CES1: variants seen among roughly 807,000 people sequenced by gnomAD.
CES1 encodes the protein liver carboxylesterase 1.
CES1 carries 50 observed loss-of-function variants against 53.0 expected under a neutral mutation model. That is an observed-to-expected ratio of 0.94 (90% CI 0.75 to 1.19). The LOEUF is 1.19. Among genes scored for constraint, CES1 ranks in the 50% most tolerant of loss-of-function variants. The probability of loss-of-function intolerance (pLI) is 0.00; values close to 1 mark genes in which losing one functional copy is unlikely to be tolerated. For synonymous variants in CES1, 202 were observed against 210.1 expected, an observed-to-expected ratio of 0.96 and a Z score of 0.33; for missense variants, 534 against 538.0, an observed-to-expected ratio of 0.99 and a Z score of 0.07.
intron 9 of CES1, 38 bp downstream of exon 9, chr16:55,812,865 G>A (rs1277747123): frequency 7.4e-6 from 12 of 1,613,040 alleles, no homozygotes; most frequent in African/African-American, 2.7e-5. Context: ...GGCTGATGGG[G>A]GTGGTTGAGT....
rs143802684 is a variant in CES1, at chr16:55,826,421, T to C, written c.261-126A>G. 773 of 1,207,140 alleles carry C rather than the reference T, an allele frequency of 6.4e-4. No homozygotes were observed. The East Asian group carries it at 0.015, about 24-fold the overall frequency. 74.8% of individuals were successfully genotyped at this position (1,207,140 alleles called of 1,614,324 possible). A position where few individuals can be genotyped will look rare whatever the true frequency, so the allele number is the denominator to read the frequency against. On this transcript the variant is annotated intron_variant, in intron 2 of 13. Transcript: ENST00000360526. ...ACTTGATAGTTACAGACTCACGACATTGTAGTGGGTAGGAGGCTATCAGGG... is the reference window on the plus strand; with the variant it reads ...ACTTGATAGTTACAGACTCACGACACTGTAGTGGGTAGGAGGCTATCAGGG...
intron 7 of CES1, among the ~76,000 whole-genome samples, chr16:55,819,309 G>A (rs1468440973): frequency 2.0e-5 from 3 of 152,152 alleles, no homozygotes; most frequent in Admixed American, 1.3e-4. Context: ...TTAAATTTTG[G>A]TCAGGACTGG....
At chr16:55,815,235 C>T (rs2031886687) in intron 8 of CES1, among the ~76,000 whole-genome samples, 1 of 152,192 alleles carries the variant, frequency 6.6e-6, no homozygotes, top group African/African-American at 2.4e-5. Flanking sequence ...CACAGTCTGG[C>T]ACACAGTGTG....
intron 8 of CES1, among the ~76,000 whole-genome samples, chr16:55,813,935 C>T (rs2031819595): frequency 6.6e-6 from 1 of 152,230 alleles, no homozygotes; most frequent in East Asian, 1.9e-4. Context: ...GCCCATCATG[C>T]AAATCCAGCT....
intron 9 of CES1, among the ~76,000 whole-genome samples, chr16:55,812,175 T>G (rs1377968842): frequency 6.6e-6 from 1 of 152,264 alleles, no homozygotes; most frequent in African/African-American, 2.4e-5. Flanking sequence ...TCAGTTTTGT[T>G]TATCTTCAAC....
chr16:55,820,563 CA>C lies in CES1; in HGVS notation c.694-85del, dbSNP rs1427810614. ...TCGCTATTCCAGGCTAGATCTACTC[CA>C]CTATAAAACCAACACGGGACTGAGG... is the stretch of plus-strand genomic sequence containing the variant. On this transcript the variant is annotated intron_variant, in intron 5 of 13. Coordinates refer to ENST00000360526, the MANE Select transcript of CES1 (RefSeq NM_001025195.2). 4 of 1,605,938 alleles carry C rather than the reference CA, an allele frequency of 2.5e-6. No individual in the cohort carries two copies. The African/African-American group carries it at 5.4e-5, about 21-fold the overall frequency.
Position 55,826,313 on chromosome 16 carries a change from A to G in CES1, c.261-18T>C, listed in dbSNP as rs756135809. On this transcript the variant is annotated intron_variant, in intron 2 of 13. Coordinates refer to ENST00000360526, the MANE Select transcript of CES1 (RefSeq NM_001025195.2). ...GGGTGCACCTGGGGAGGGGGAAAGA[A>G]GAACCCCTGAAGTTCAGCCAGATCT... 1 of 1,613,976 alleles carries G rather than the reference A, an allele frequency of 6.2e-7. No homozygotes were observed. The highest frequency in any genetic ancestry group is 1.1e-5 in the South Asian group (1 of 91,078).
chr16:55,817,827 T>C (rs1400578314), intron 7 of CES1, among the ~76,000 whole-genome samples: 1 of 152,064 alleles, frequency 6.6e-6, no homozygotes, highest in Non-Finnish European at 1.5e-5. Flanking sequence ...ATCATGGAGG[T>C]GCTTCCACAA....
intron 2 of CES1, among the ~76,000 whole-genome samples, chr16:55,827,292 T>TAATAATAAC (rs1192178275): frequency 1.3e-5 from 2 of 149,158 alleles, no homozygotes; most frequent in Non-Finnish European, 3.0e-5. Flanking sequence ...ATAATAATAA[T>TAATAATAAC]AATAATAATA....
In CES1 at chr16:55,812,991, G is replaced by C; in HGVS notation, c.998C>G (p.Pro333Arg). ...ATTCCTTTCAGCTTGAAGCTCTTCAGGTGTTTTCAGCAGCAGCATCCCATC... is the reference window on the plus strand; with the variant it reads ...ATTCCTTTCAGCTTGAAGCTCTTCACGTGTTTTCAGCAGCAGCATCCCATC... ...VIDGMLLLKT[P>R]EELQAERNFH... Residue 333 changes from proline to arginine, a missense_variant, in exon 9 of 14, where the codon CCT (proline) becomes CGT (arginine). Pro to Arg is a moderately radical substitution (Grantham distance 103). Transcript: ENST00000360526. 6.2e-7 allele frequency: 1 copy of C among 1,614,042 alleles called. No homozygotes were observed. The highest frequency in any genetic ancestry group is 8.5e-7 in the Non-Finnish European group (1 of 1,179,942).
At chr16:55,815,551 G>C (rs1269871753) in intron 8 of CES1, among the ~76,000 whole-genome samples, 4 of 152,202 alleles carry the variant, frequency 2.6e-5, no homozygotes, top group African/African-American at 4.8e-5. Context: ...GCACAACCTT[G>C]TTGTGTCAGA....
chr16:55,824,075 C>G (rs538559457), intron 3 of CES1, among the ~76,000 whole-genome samples: 163 of 152,380 alleles, frequency 1.1e-3, no homozygotes, highest in African/African-American at 3.8e-3. Flanking sequence ...CCTTGTATCT[C>G]AGCTTCATCT....
chr16:55,820,236 C>T, intron 6 of CES1, 136 bp downstream of exon 6: 3 of 647,158 alleles, frequency 4.6e-6, no homozygotes, highest in Non-Finnish European at 2.7e-6. Context: ...GCCCTTCCTG[C>T]TCAGCCATTG....
chr16:55,831,177 A>C (rs1178288720), intron 1 of CES1, among the ~76,000 whole-genome samples: 2 of 152,216 alleles, frequency 1.3e-5, no homozygotes, highest in African/African-American at 4.8e-5. Context: ...AAGGTCAAAC[A>C]CAGGGACCAC....
chr16:55,812,592 C>G (rs1451800054), intron 9 of CES1, among the ~76,000 whole-genome samples: 2 of 152,190 alleles, frequency 1.3e-5, no homozygotes, highest in Non-Finnish European at 2.9e-5. Context: ...ACTCCTTCCC[C>G]CTTCTAGGCC....
chr16:55,826,670 T>C (rs1225209102), intron 2 of CES1, among the ~76,000 whole-genome samples: 6 of 152,184 alleles, frequency 3.9e-5, no homozygotes, highest in African/African-American at 1.2e-4. Context: ...GTTTTGTCTC[T>C]CCCATGCATT....
intron 5 of CES1, among the ~76,000 whole-genome samples, chr16:55,821,099 A>G (rs114552202): frequency 1.2e-4 from 17 of 142,476 alleles, no homozygotes; most frequent in African/African-American, 4.4e-4. Flanking sequence ...AGAGAGCTCA[A>G]CCAAGCTGGA....
intron 8 of CES1, among the ~76,000 whole-genome samples, chr16:55,815,231 C>A (rs1218863400): frequency 6.6e-6 from 1 of 152,196 alleles, no homozygotes; most frequent in Non-Finnish European, 1.5e-5. Context: ...TCTGCACAGT[C>A]TGGCACACAG....
chr16:55,817,629 T>C (rs1210222108), intron 7 of CES1, among the ~76,000 whole-genome samples: 1 of 152,118 alleles, frequency 6.6e-6, no homozygotes. Context: ...CCATTAAGGA[T>C]TGAAGTCCCA....
Sources: allele counts gnomAD v4.1 joint callset (sites outside exome capture counted in the v4.1 genomes callset), GRCh38; gene constraint gnomAD v4.1.1; transcripts MANE v1.5; gene names NCBI Gene and HGNC (gene_info 2026-07-23, HGNC 2026-07-21).